KIF11: variants seen among roughly 807,000 people sequenced by gnomAD.
The protein encoded by KIF11 is kinesin family member 11.
Under a neutral mutation model 121.0 loss-of-function variants are expected in KIF11, and 9 were observed. The observed-to-expected ratio is 0.07, with a 90% CI of 0.04 to 0.13. KIF11 has a LOEUF of 0.13. KIF11 is among the 10% of genes least tolerant of loss of function. KIF11 has a pLI of 1.00. For missense variants in KIF11, 846 were observed against 1,217.5 expected (o/e 0.69, Z 4.54); for synonymous variants, 408 against 421.0 (o/e 0.97, Z 0.38).
In KIF11 at chr10:92,625,350, C is replaced by CT. The variant is rs1209951689; in HGVS notation, c.1218-3442dup. 8.9e-3 allele frequency among the ~76,000 whole-genome samples: 1,241 copies of CT among 139,194 alleles called. 14 individuals carry two copies. Among genetic ancestry groups the CT allele is most frequent in the East Asian group, 0.061 (296 of 4,844 alleles). 91.3% of individuals were successfully genotyped at this position (139,194 alleles called of 152,430 possible). A position where few individuals can be genotyped will look rare whatever the true frequency, so the allele number is the denominator to read the frequency against. ...GAAAAATGTCCACATCATTTGCCCA[C>CT]TTTTTTTTTTTTTTTTGAGACACAG... On this transcript the variant is annotated intron_variant, in intron 10 of 21. Coordinates refer to ENST00000260731, the MANE Select transcript of KIF11 (RefSeq NM_004523.4).
intron 1 of KIF11, among the ~76,000 whole-genome samples, chr10:92,594,562 C>G (rs945461045): frequency 6.6e-6 from 1 of 152,084 alleles, no homozygotes; most frequent in Non-Finnish European, 1.5e-5. Flanking sequence ...TTACCTTTTC[C>G]GTATGCATTT....
In KIF11 at chr10:92,613,014, C is replaced by A; in HGVS notation, c.699-26C>A. ...CAAATGCTATTTTACATTATAATGA[C>A]TGGGCAACTTGATATTGTTTTCTAG... On this transcript the variant is annotated intron_variant, in intron 6 of 21. Transcript: ENST00000260731. This position sits in a 1 kb window ranked among gnomAD's most constrained non-coding sequence, Gnocchi z 4.2. The A allele has an allele frequency of 7.3e-7, 1 of 1,361,416 alleles. No individual in the cohort carries two copies. The highest frequency in any genetic ancestry group is 1.0e-6 in the Non-Finnish European group (1 of 960,800). The allele number at this position is 1,361,416 out of a possible 1,614,324, so 84.3% of individuals were successfully genotyped here. A position where few individuals can be genotyped will look rare whatever the true frequency, so the allele number is the denominator to read the frequency against.
chr10:92,648,154 G>T, intron 18 of KIF11, 58 bp from the exon 19 acceptor site: 1 of 1,153,024 alleles, frequency 8.7e-7, no homozygotes, highest in African/African-American at 1.7e-5. Flanking sequence ...ATATGATGTT[G>T]AATAAAACAC....
chr10:92,608,209 T>C (rs1844451702), intron 4 of KIF11, among the ~76,000 whole-genome samples: 1 of 151,700 alleles, frequency 6.6e-6, no homozygotes, highest in Non-Finnish European at 1.5e-5. Flanking sequence ...ACTCTTGGGC[T>C]TCAGGAGTCC....
Position 92,613,154 on chromosome 10 carries a change from T to C in KIF11, c.789+24T>C, listed in dbSNP as rs930015696. On this transcript the variant is annotated intron_variant, in intron 7 of 21. Coordinates refer to ENST00000260731, the MANE Select transcript of KIF11 (RefSeq NM_004523.4). This position sits in a 1 kb window ranked among gnomAD's most constrained non-coding sequence, Gnocchi z 4.2. ...TGGTAAGCATCCACCTTAATACTAC[T>C]GTTTCACTCTTAAACACCTTATAGA... 6.5e-7 allele frequency: 1 copy of C among 1,538,458 alleles called. No homozygotes were observed. The highest frequency in any genetic ancestry group is 1.4e-5 in the African/African-American group (1 of 73,250).
intron 8 of KIF11, among the ~76,000 whole-genome samples, chr10:92,615,233 A>G (rs551751453): frequency 2.0e-5 from 3 of 152,106 alleles, no homozygotes; most frequent in East Asian, 3.9e-4. Flanking sequence ...GTGAAACCCC[A>G]TCTCTACTAA....
chr10:92,625,068 C>T (rs1229001653), intron 10 of KIF11, among the ~76,000 whole-genome samples: 1 of 151,862 alleles, frequency 6.6e-6, no homozygotes, highest in Non-Finnish European at 1.5e-5. Flanking sequence ...CATGCCCTGC[C>T]GGTATTTCTG....
chr10:92,615,707 G>A (rs186407045), intron 8 of KIF11, among the ~76,000 whole-genome samples: 5 of 152,124 alleles, frequency 3.3e-5, no homozygotes, highest in South Asian at 2.1e-4. Flanking sequence ...ATGGAATTAC[G>A]TAATAGGTAG....
At chr10:92,630,527 A>G (rs1373687917) in intron 12 of KIF11, among the ~76,000 whole-genome samples, 163 bp downstream of exon 12, 1 of 152,198 alleles carries the variant, frequency 6.6e-6, no homozygotes, top group Non-Finnish European at 1.5e-5. Context: ...CTCACTGGAG[A>G]TGTCGACTTA....
At chr10:92,619,756 A>G (rs891404210) in intron 9 of KIF11, among the ~76,000 whole-genome samples, 1 of 151,716 alleles carries the variant, frequency 6.6e-6, no homozygotes, top group Non-Finnish European at 1.5e-5. Context: ...GTGTCTTTTT[A>G]ATGTGCTTAT....
rs1373564901 is a variant in KIF11, at chr10:92,593,316, C to T, written c.-60C>T. The T allele has an allele frequency of 1.0e-5, 16 of 1,541,264 alleles. No homozygotes were observed. The highest frequency in any genetic ancestry group is 1.4e-5 in the Non-Finnish European group (16 of 1,136,342). On this transcript the variant is annotated 5_prime_UTR_variant, in exon 1 of 22. Transcript: ENST00000260731. ...CCGGCCCCTGTCGGCCGCCAAGCCC[C>T]TCCGCCCCTCACAGCGCCCAGGTCC...
In KIF11 at chr10:92,637,447, G is replaced by C; in HGVS notation, c.2062G>C (p.Glu688Gln). ...FLSILCNNLH[E>Q]LQENTICSLV... The stretch of plus-strand genomic sequence containing the variant: ...CAGTATACTGTGTAACAATCTACAT[G>C]AACTACAAGAAAATACCATTTGTTC... The change falls in exon 16 of 22, where the codon GAA becomes CAA. Residue 688 changes from glutamate (E) to glutamine (Q), a missense_variant. Physicochemically the swap from Glu to Gln is conservative, Grantham distance 29 (BLOSUM62 2). Coordinates refer to ENST00000260731, the MANE Select transcript of KIF11 (RefSeq NM_004523.4). 6.2e-7 allele frequency: 1 copy of C among 1,603,592 alleles called. No homozygotes were observed. The highest frequency in any genetic ancestry group is 8.5e-7 in the Non-Finnish European group (1 of 1,177,772).
chr10:92,619,350 TG>T (rs1479643986), intron 9 of KIF11, among the ~76,000 whole-genome samples: 2 of 152,174 alleles, frequency 1.3e-5, no homozygotes, highest in African/African-American at 4.8e-5. Flanking sequence ...TAGTAGTCCA[TG>T]GTGAGTATGT....
At position 92,655,341 on chromosome 10, in the gene KIF11, C is replaced by A. The variant is rs1238551197; in HGVS notation, c.*1545C>A. 6.6e-6 allele frequency: 1 copy of A among 152,106 alleles called. No individual in the cohort carries two copies. Among genetic ancestry groups the A allele is most frequent in the Non-Finnish European group, 1.5e-5 (1 of 68,040 alleles). The allele number at this position is 152,106 out of a possible 1,614,324, so 9.4% of individuals were successfully genotyped here. On this transcript the variant is annotated 3_prime_UTR_variant, in exon 22 of 22. Transcript: ENST00000260731. ...ATGTCAGCATAAGCGATGGATAATA[C>A]CTAATAAACTGCCCTCAGTAAATCC... is the stretch of plus-strand genomic sequence containing the variant.
At chr10:92,630,867 C>CAAAAAAAAAAAA (rs58123701) in intron 12 of KIF11, among the ~76,000 whole-genome samples, 1 of 100,030 alleles carries the variant, frequency 1.0e-5, no homozygotes, top group Admixed American at 1.2e-4. Context: ...AACTCCGTCT[C>CAAAAAAAAAAAA]AAAAAAAAAA....
Position 92,648,313 on chromosome 10 carries a change from G to C in KIF11, c.2649G>C (p.Gln883His), listed in dbSNP as rs1218445441. Reference protein sequence around the residue: ...HEKQHNIFLDQMTIDEDKLIA... With the variant: ...HEKQHNIFLDHMTIDEDKLIA... ...AACAGCATAACATTTTTCTTGATCA[G>C]ATGACTATTGATGAAGATAAATTGA... is the stretch of plus-strand genomic sequence containing the variant. The change falls in exon 19 of 22, where the codon CAG becomes CAC. Residue 883 changes from glutamine to histidine, a missense_variant. Physicochemically the swap from Gln to His is conservative, Grantham distance 24. Coordinates refer to ENST00000260731, the MANE Select transcript of KIF11 (RefSeq NM_004523.4). The C allele has an allele frequency of 1.2e-6, 2 of 1,610,362 alleles. No individual in the cohort carries two copies. The highest frequency in any genetic ancestry group is 1.1e-5 in the South Asian group (1 of 90,940).
intron 1 of KIF11, among the ~76,000 whole-genome samples, chr10:92,599,237 C>T (rs1844338013): frequency 6.6e-6 from 1 of 151,944 alleles, no homozygotes; most frequent in Non-Finnish European, 1.5e-5. Flanking sequence ...TAACTGGAGG[C>T]TGGACGCAGT....
Position 92,654,506 on chromosome 10 carries a change from A to C in KIF11, c.*710A>C, listed in dbSNP as rs7078243. The C allele has an allele frequency of 0.6, 91,652 of 151,904 alleles. 28,800 individuals are homozygous for C. The highest frequency in any genetic ancestry group is 0.8 in the East Asian group (4,126 of 5,170). 9.4% of individuals were successfully genotyped at this position (151,904 alleles called of 1,614,324 possible). A position where few individuals can be genotyped will look rare whatever the true frequency, so the allele number is the denominator to read the frequency against. ...TGCTATGACTTGTGTATTTTCTTGCATCCTCCCTAGACTTCCCTATTTCGC... is the reference window on the plus strand; with the variant it reads ...TGCTATGACTTGTGTATTTTCTTGCCTCCTCCCTAGACTTCCCTATTTCGC... On this transcript the variant is annotated 3_prime_UTR_variant, in exon 22 of 22. Coordinates refer to ENST00000260731, the MANE Select transcript of KIF11 (RefSeq NM_004523.4).
Position 92,649,948 on chromosome 10 carries a change from C to T in KIF11, c.2884C>T (p.Leu962=), listed in dbSNP as rs199686426. The T allele has an allele frequency of 1.4e-5, 23 of 1,612,692 alleles. No homozygotes were observed. The highest frequency in any genetic ancestry group is 1.9e-5 in the Non-Finnish European group (22 of 1,179,180). ...GAAACAGCCTGAGCTGTTAATGATG[C>T]TAAACTGTTCAGAAAACAACAAAGA... ...KRKQPELLMM[L]NCSENNKEET... Residue 962 remains leucine, a synonymous_variant, in exon 20 of 22, where the codon CTA becomes TTA. Coordinates refer to ENST00000260731, the MANE Select transcript of KIF11 (RefSeq NM_004523.4).
Sources: allele counts gnomAD v4.1 joint callset (sites outside exome capture counted in the v4.1 genomes callset), GRCh38; gene constraint gnomAD v4.1.1; non-coding constraint Gnocchi (gnomAD v3.1); transcripts MANE v1.5; gene names NCBI Gene and HGNC (gene_info 2026-07-23, HGNC 2026-07-21).